Variants in TP73 observed in about 807,000 individuals in gnomAD.
The protein encoded by TP73 is p53-like transcription factor.
Under a neutral mutation model 62.5 loss-of-function variants are expected in TP73, and 25 were observed. The ratio of observed to expected loss-of-function variants is 0.40; its 90% CI spans 0.29 to 0.56. The LOEUF (loss-of-function observed/expected upper bound fraction) is 0.56, where lower values mean the gene tolerates loss of function less well. Ranked by LOEUF, TP73 falls within the 20% of genes least tolerant of loss-of-function variation. The pLI, the probability that TP73 is intolerant of heterozygous loss-of-function variation, is 0.46. For synonymous variants in TP73, 423 were observed against 377.5 expected (o/e 1.12, Z -1.40); for missense variants, 754 against 913.3 (o/e 0.83, Z 2.25).
intron 1 of TP73, among the ~76,000 whole-genome samples, chr1:3,657,146 T>C (rs1183139816): frequency 6.6e-6 from 1 of 152,230 alleles, no homozygotes; most frequent in African/African-American, 2.4e-5. Flanking sequence ...GACCACAAAT[T>C]AAGTGGCTGG....
chr1:3,665,006 C>T (rs1381540917), intron 1 of TP73, among the ~76,000 whole-genome samples: 2 of 152,174 alleles, frequency 1.3e-5, no homozygotes, highest in African/African-American at 4.8e-5. Context: ...AAAGACTCTG[C>T]GGTCTTTGTC....
chr1:3,678,353 G>A (rs938119864), intron 1 of TP73, among the ~76,000 whole-genome samples: 2 of 151,702 alleles, frequency 1.3e-5, no homozygotes, highest in Non-Finnish European at 2.9e-5. Context: ...CTGCCCCAGC[G>A]CAGCGTCCCT....
chr1:3,657,357 C>T (rs1399992062), intron 1 of TP73, among the ~76,000 whole-genome samples: 2 of 152,324 alleles, frequency 1.3e-5, no homozygotes, highest in Middle Eastern at 3.4e-3. Context: ...CCATGGCCTT[C>T]TCCTCTGTGT....
In TP73 at chr1:3,663,831, C is replaced by A. The variant is rs1645052318; in HGVS notation, c.-34+11190C>A. ...GTCTGTGACCTAATTCAGAGGAAGG[C>A]CAGAGAACTCTTTTATGGCCTGCCT... On this transcript the variant is annotated intron_variant, in intron 1 of 13. Transcript: ENST00000378295. The surrounding 1 kb of genome is among the most constrained non-coding windows in gnomAD (Gnocchi z 4.7). Among the ~76,000 whole-genome samples the A allele has an allele frequency of 6.6e-6, 1 of 152,208 alleles. No individual in the cohort carries two copies. The highest frequency in any genetic ancestry group is 6.5e-5 in the Admixed American group (1 of 15,286).
intron 4 of TP73, among the ~76,000 whole-genome samples, chr1:3,717,222 T>C (rs1459593757): frequency 6.6e-6 from 1 of 152,070 alleles, no homozygotes; most frequent in African/African-American, 2.4e-5. Context: ...ACAAGGAAAT[T>C]AGCAGCCCCC....
chr1:3,730,713 G>C (rs554793991), intron 11 of TP73, among the ~76,000 whole-genome samples: 1 of 152,150 alleles, frequency 6.6e-6, no homozygotes, highest in Non-Finnish European at 1.5e-5. Context: ...CCGTACGCAC[G>C]GTCACCCCCG....
intron 1 of TP73, among the ~76,000 whole-genome samples, chr1:3,673,427 C>A (rs530018507): frequency 2.6e-5 from 4 of 152,178 alleles, no homozygotes; most frequent in African/African-American, 9.7e-5. Context: ...TATGGGGCAT[C>A]CACGGTGTGC....
chr1:3,708,814 C>T (rs1017224538), intron 4 of TP73, among the ~76,000 whole-genome samples: 1 of 152,162 alleles, frequency 6.6e-6, no homozygotes, highest in South Asian at 2.1e-4. Flanking sequence ...GCCATGGCTG[C>T]AGGAGGGGCT....
chr1:3,706,799 T>C lies in TP73; in HGVS notation c.187-750T>C, dbSNP rs1639694271. Among the ~76,000 whole-genome samples the C allele has an allele frequency of 3.9e-5, 6 of 152,186 alleles. No individual in the cohort carries two copies. In the South Asian group the frequency reaches 1.2e-3, roughly 32 times the overall value. ...GCGCAGGGGACACACCCACAGGGGT[T>C]CCTGTTCCTTGGTGTGTGGTCCTGG... On this transcript the variant is annotated intron_variant, in intron 3 of 13. Coordinates refer to ENST00000378295, the MANE Select transcript of TP73 (RefSeq NM_005427.4).
rs747617044 is a variant in TP73, at chr1:3,707,718, C to T, written c.356C>T (p.Thr119Ile). The T allele has an allele frequency of 1.2e-6, 2 of 1,613,292 alleles. No homozygotes were observed. The highest frequency in any genetic ancestry group is 1.7e-6 in the Non-Finnish European group (2 of 1,179,952). Residue 119 changes from threonine (T) to isoleucine (I), a missense_variant, in exon 4 of 14, where the codon ACC (threonine) becomes ATC (isoleucine). Transcript: ENST00000378295. ...MSPAPVIPSN[T>I]DYPGPHHFEV... ...CCGGCGCCTGTCATCCCCTCCAACACCGACTACCCCGGACCCCACCACTTT... is the reference window on the plus strand; with the variant it reads ...CCGGCGCCTGTCATCCCCTCCAACATCGACTACCCCGGACCCCACCACTTT...
At chr1:3,677,778 C>G (rs1200317762) in intron 1 of TP73, among the ~76,000 whole-genome samples, 1 of 150,802 alleles carries the variant, frequency 6.6e-6, no homozygotes, top group African/African-American at 2.4e-5. Context: ...ACTGCAGCCT[C>G]GAGCCCCTGG....
At chr1:3,732,522 T>G (rs756379467) in intron 13 of TP73, among the ~76,000 whole-genome samples, 2 of 150,110 alleles carry the variant, frequency 1.3e-5, no homozygotes, top group Admixed American at 6.6e-5. Flanking sequence ...CAGGGCCAGG[T>G]AGATGCTCAG....
chr1:3,727,663 G>C lies in TP73; in HGVS notation c.878G>C (p.Arg293Pro). Residue 293 changes from arginine to proline, a missense_variant, in exon 8 of 14, where the codon CGC becomes CCC. Arg to Pro is a moderately radical substitution (Grantham distance 103, BLOSUM62 -2). Around this residue, in one of 3 missense-constraint regions of TP73, gnomAD observed 458 missense variants for 528.7 expected, o/e 0.87. Transcript: ENST00000378295. ...QVLGRRSFEG[R>P]ICACPGRDRK... ...CTGGGCCGCCGGTCCTTTGAGGGCC[G>C]CATCTGCGCCTGTCCTGGCCGCGAC... The C allele has an allele frequency of 6.3e-7, 1 of 1,599,064 alleles. No homozygotes were observed. Among genetic ancestry groups the C allele is most frequent in the Non-Finnish European group, 8.5e-7 (1 of 1,175,320 alleles).
At chr1:3,653,176 T>C (rs1644794238) in intron 1 of TP73, among the ~76,000 whole-genome samples, 1 of 152,200 alleles carries the variant, frequency 6.6e-6, no homozygotes, top group African/African-American at 2.4e-5. Context: ...CCTTGACCCA[T>C]GGAGTTGGTT....
At chr1:3,665,212 G>A (rs1645084135) in intron 1 of TP73, among the ~76,000 whole-genome samples, 1 of 151,992 alleles carries the variant, frequency 6.6e-6, no homozygotes, top group Non-Finnish European at 1.5e-5. Flanking sequence ...ACTTGCTTCT[G>A]GGTTCTTAAT....
intron 6 of TP73, among the ~76,000 whole-genome samples, chr1:3,725,946 TGGG>T (rs1031308387): frequency 2.3e-5 from 2 of 87,284 alleles, no homozygotes; most frequent in Non-Finnish European, 4.4e-5. Flanking sequence ...GGACAGATAA[TGGG>T]GGGAGTGGAT....
intron 3 of TP73, among the ~76,000 whole-genome samples, chr1:3,689,820 C>T (rs962018283): frequency 5.3e-5 from 8 of 151,958 alleles, no homozygotes; most frequent in Admixed American, 1.3e-4. Context: ...AGTGTGGGTC[C>T]GCAGGCCCCA....
intron 3 of TP73, among the ~76,000 whole-genome samples, chr1:3,698,884 G>A (rs1282305776): frequency 6.6e-6 from 1 of 152,244 alleles, no homozygotes; most frequent in South Asian, 2.1e-4. Flanking sequence ...GGTGCAGGCA[G>A]GATAGCAGCG....
chr1:3,729,822 C>CA (rs1428416689), intron 10 of TP73, 178 bp from the exon 11 acceptor site: 4 of 962,344 alleles, frequency 4.2e-6, no homozygotes, highest in Non-Finnish European at 6.1e-6. Context: ...TTCTCAGGCG[C>CA]AGGCCCAGTG....
Sources: gnomAD v4.1 joint callset for allele counts (sites outside exome capture counted in the v4.1 genomes callset) on GRCh38, gnomAD v4.1.1 for gene constraint, gnomAD v4.1.1 regional missense constraint, Gnocchi (gnomAD v3.1) non-coding constraint, MANE v1.5 for transcripts, NCBI Gene and HGNC (gene_info 2026-07-23, HGNC 2026-07-21) for gene names.